The following SZT2 variants were observed in gnomAD, a reference collection of about 807,000 sequenced individuals.
SZT2 encodes the protein KICSTOR complex protein SZT2.
Under a neutral mutation model 404.2 loss-of-function variants are expected in SZT2, and 216 were observed. That is an observed-to-expected ratio of 0.53 (90% confidence interval 0.48 to 0.60). SZT2 has a LOEUF of 0.60. Ranked by LOEUF, SZT2 falls within the 20% of genes least tolerant of loss-of-function variation. The pLI is 0.00. For missense variants in SZT2, 3,857 were observed against 4,459.2 expected (o/e 0.86, Z 3.85); for synonymous variants, 1,693 against 1,749.9 (o/e 0.97, Z 0.81).
At chr1:43,446,285 GAC>G in intron 64 of SZT2, 26 bp downstream of exon 64, 1 of 1,614,246 alleles carries the variant, frequency 6.2e-7, no homozygotes, top group Non-Finnish European at 8.5e-7. Context: ...ACTGAGTGGA[GAC>G]AGCCAGACCC....
Position 43,403,774 on chromosome 1 carries a change from G to A in SZT2, c.327G>A (p.Val109=), listed in dbSNP as rs1454364437. 1 of 1,613,856 alleles carries A rather than the reference G, an allele frequency of 6.2e-7. No individual in the cohort carries two copies. The highest frequency in any genetic ancestry group is 1.3e-5 in the African/African-American group (1 of 74,876). The change falls in exon 3 of 72, where the codon GTG becomes GTA. Residue 109 remains valine (V), a splice_region_variant and synonymous_variant. Transcript: ENST00000634258. The part of the protein sequence containing the change: ...ELDLSPSTGI[V]DDSTGEILFD... ...ACCTTAGCCCATCTACTGGCATTGT[G>A]GTAAAGGATTGAAGGGAGACTGTGG...
intron 13 of SZT2, 23 bp downstream of exon 13, chr1:43,422,655 A>ACCCCCCGCCCCCCCAC (rs1186431529): frequency 3.7e-6 from 4 of 1,095,652 alleles, no homozygotes; most frequent in Admixed American, 3.0e-5. Flanking sequence ...ATGTCCCTTC[A>ACCCCCCGCCCCCCCAC]CCCCCCGCCC....
rs765553513 is a variant in SZT2 at position 43,422,141 on chromosome 1, G to A, written c.1685G>A (p.Trp562Ter). The A allele has an allele frequency of 2.5e-6, 4 of 1,597,922 alleles. No homozygotes were observed. The South Asian group carries it at 4.4e-5, about 18-fold the overall frequency. ...DSSHAQFAAYWKPVLSMDANS... is the reference protein window; with the variant it reads ...DSSHAQFAAY Reference sequence around the variant, plus strand: ...TCCCATGCCCAGTTTGCTGCCTACTGGAAGCCAGTGCTGTCCATGGATGCA... The same window carrying A: ...TCCCATGCCCAGTTTGCTGCCTACTAGAAGCCAGTGCTGTCCATGGATGCA... Residue 562 changes from tryptophan to a stop codon, truncating the protein, a stop_gained, in exon 12 of 72, where the codon TGG (tryptophan) becomes TAG (stop). Transcript: ENST00000634258. LOFTEE classifies it high-confidence loss of function.
rs765781030 is a variant in SZT2, at chr1:43,435,348, G to T, written c.6034+19G>T. 6.2e-7 allele frequency: 1 copy of T among 1,613,394 alleles called. No homozygotes were observed. On this transcript the variant is annotated intron_variant, in intron 42 of 71. Coordinates refer to ENST00000634258, the MANE Select transcript of SZT2 (RefSeq NM_001365999.1). ...AGTGATGGTGAGATCCCACCCAGGA[G>T]CCTCCCTCACAAGGCAGTGCTGCCG...
chr1:43,407,751 A>G (rs1013266023), intron 4 of SZT2, among the ~76,000 whole-genome samples: 2 of 151,906 alleles, frequency 1.3e-5, no homozygotes, highest in African/African-American at 4.8e-5. Context: ...AAACTCATCT[A>G]TAATACAATA....
At chr1:43,432,174 T>C in intron 36 of SZT2, 98 bp from the exon 37 acceptor site, 1 of 1,330,532 alleles carries the variant, frequency 7.5e-7, no homozygotes, top group Non-Finnish European at 1.0e-6. Flanking sequence ...AGCATCTGCT[T>C]TACCAGGTAG....
chr1:43,451,323 G>C lies in SZT2; in HGVS notation c.*843G>C, dbSNP rs1168667927. The C allele has an allele frequency of 1.2e-6, 2 of 1,613,392 alleles. No individual in the cohort carries two copies. The highest frequency in any genetic ancestry group is 2.2e-5 in the East Asian group (1 of 44,872). On this transcript the variant is annotated 3_prime_UTR_variant, in exon 72 of 72. Transcript: ENST00000634258. ...CTCTACTGTGTCTCCTGCAGGGAGAGGGAGGCCTCGGCACCTCAGCCCACA... is the reference window on the plus strand; with the variant it reads ...CTCTACTGTGTCTCCTGCAGGGAGACGGAGGCCTCGGCACCTCAGCCCACA...
Position 43,420,829 on chromosome 1 carries a change from C to T in SZT2, c.1342C>T (p.Pro448Ser). ...RIEYVAMAPW[P>S]LEPEGPRVTR... is the part of the protein sequence containing the mutation. ...TGAGTATGTGGCTATGGCACCCTGG[C>T]CCCTGGAGCCTGAGGGCCCTCGAGT... Residue 448 changes from proline to serine, a missense_variant, in exon 10 of 72, where the codon CCC (proline) becomes TCC (serine). Around this residue, in one of 7 missense-constraint regions of SZT2, gnomAD observed 536 missense variants for 637.4 expected, o/e 0.84. Coordinates refer to ENST00000634258, the MANE Select transcript of SZT2 (RefSeq NM_001365999.1). This position sits in a 1 kb window ranked among gnomAD's most constrained non-coding sequence, Gnocchi z 5.1. The T allele has an allele frequency of 1.3e-6, 2 of 1,598,334 alleles. No homozygotes were observed. The highest frequency in any genetic ancestry group is 8.5e-7 in the Non-Finnish European group (1 of 1,179,700).
chr1:43,444,295 C>A (rs1655426277), intron 62 of SZT2, among the ~76,000 whole-genome samples: 1 of 152,058 alleles, frequency 6.6e-6, no homozygotes, highest in African/African-American at 2.4e-5. Flanking sequence ...TGGGGTATCA[C>A]CATGTTGCCT....
intron 64 of SZT2, 21 bp downstream of exon 64, chr1:43,446,280 G>A: frequency 6.2e-7 from 1 of 1,614,240 alleles, no homozygotes; most frequent in African/African-American, 1.3e-5. Context: ...GGAGCACTGA[G>A]TGGAGACAGC....
rs1423511740 is a variant in SZT2, at chr1:43,426,476, T to C, written c.3152T>C (p.Leu1051Pro). 5 of 1,596,684 alleles carry C rather than the reference T, an allele frequency of 3.1e-6. No individual in the cohort carries two copies. The East Asian group carries it at 1.1e-4, about 36-fold the overall frequency. The change falls in exon 22 of 72, where the codon CTG (leucine) becomes CCG (proline). Residue 1051 changes from leucine to proline, a missense_variant. This residue lies in a region of SZT2 where 1,725 missense variants were observed against 1,881.0 expected (regional missense o/e 0.92). Coordinates refer to ENST00000634258, the MANE Select transcript of SZT2 (RefSeq NM_001365999.1). The surrounding 1 kb of genome is among the most constrained non-coding windows in gnomAD (Gnocchi z 4.9). ...GAGCTGAGTGACCGGGAGATCCCAC[T>C]GACCCCCGTTGACCAGGCTGCCTTC... is the stretch of plus-strand genomic sequence containing the variant. Reference protein sequence around the residue: ...GQELSDREIPLTPVDQAAFLS... With the variant: ...GQELSDREIPPTPVDQAAFLS...
At position 43,426,976 on chromosome 1, in the gene SZT2, G is replaced by A; in HGVS notation, c.3310-80G>A. The A allele has an allele frequency of 6.3e-7, 1 of 1,589,890 alleles. No individual in the cohort carries two copies. Among genetic ancestry groups the A allele is most frequent in the South Asian group, 1.1e-5 (1 of 88,642 alleles). On this transcript the variant is annotated intron_variant, in intron 23 of 71. Transcript: ENST00000634258. This position sits in a 1 kb window ranked among gnomAD's most constrained non-coding sequence, Gnocchi z 4.9. ...ATCTTTCAAGCTATACCTAAGATGAGTCAGCTCTAGGGTGGAGGAGGGGAA... is the reference window on the plus strand; with the variant it reads ...ATCTTTCAAGCTATACCTAAGATGAATCAGCTCTAGGGTGGAGGAGGGGAA...
Position 43,440,014 on chromosome 1 carries a change from G to A in SZT2, c.7176G>A (p.Leu2392=), listed in dbSNP as rs564571391. Residue 2392 remains leucine (L), a synonymous_variant, in exon 51 of 72, where the codon CTG becomes CTA. Coordinates refer to ENST00000634258, the MANE Select transcript of SZT2 (RefSeq NM_001365999.1). The part of the protein sequence containing the change: ...LADAIIELQL[L]PASLCTEDTP... ...ATGCCATCATCGAGCTTCAGCTGCT[G>A]CCAGCTTCACTATGTACAGAGGACA... is the stretch of plus-strand genomic sequence containing the variant. 3.1e-6 allele frequency: 5 copies of A among 1,614,106 alleles called. No homozygotes were observed. The African/African-American group carries it at 5.3e-5, about 17-fold the overall frequency.
Position 43,437,719 on chromosome 1 carries a change from C to A in SZT2, c.6396+19C>A, listed in dbSNP as rs756799362. ...AGCCTCGGCATGTATCACTCCCACT[C>A]TCTGATGCCCCTGTGTTCCTCTTGC... On this transcript the variant is annotated intron_variant, in intron 45 of 71. Transcript: ENST00000634258. This position sits in a 1 kb window ranked among gnomAD's most constrained non-coding sequence, Gnocchi z 5.3. 2 of 1,614,044 alleles carry A rather than the reference C, an allele frequency of 1.2e-6. No homozygotes were observed. The highest frequency in any genetic ancestry group is 1.7e-6 in the Non-Finnish European group (2 of 1,180,018).
Position 43,443,671 on chromosome 1 carries a change from C to A in SZT2, c.8700C>A (p.Pro2900=). 1 of 1,614,202 alleles carries A rather than the reference C, an allele frequency of 6.2e-7. No individual in the cohort carries two copies. Among genetic ancestry groups the A allele is most frequent in the Non-Finnish European group, 8.5e-7 (1 of 1,180,030 alleles). ...PTSCESLDVS[P]PGAREEPWLK... The stretch of plus-strand genomic sequence containing the variant: ...GCTGTGAATCCTTGGATGTGTCGCC[C>A]CCGGGAGCCCGTGAGGAGCCTTGGC... Residue 2900 remains proline (P), a synonymous_variant, in exon 62 of 72, where the codon CCC becomes CCA. Coordinates refer to ENST00000634258, the MANE Select transcript of SZT2 (RefSeq NM_001365999.1).
At position 43,426,447 on chromosome 1, in the gene SZT2, G is replaced by T; in HGVS notation, c.3123G>T (p.Gly1041=). The T allele has an allele frequency of 6.3e-7, 1 of 1,596,998 alleles. No individual in the cohort carries two copies. The change falls in exon 22 of 72, where the codon GGG becomes GGT. Residue 1041 remains glycine (G), a synonymous_variant. Transcript: ENST00000634258. This position sits in a 1 kb window ranked among gnomAD's most constrained non-coding sequence, Gnocchi z 4.9. ...TGTGCCTGCTGCACAGCTGCCTGGG[G>T]CAGGAGCTGAGTGACCGGGAGATCC... ...MVLCLLHSCL[G]QELSDREIPL... is the part of the protein sequence containing the mutation.
At chr1:43,390,080 G>T in intron 1 of SZT2, 85 bp downstream of exon 1, 1 of 1,335,406 alleles carries the variant, frequency 7.5e-7, no homozygotes. Context: ...CCTCCTCTAG[G>T]TCTGGGGGTG....
intron 7 of SZT2, among the ~76,000 whole-genome samples, chr1:43,417,147 A>G (rs1651807770): frequency 6.6e-6 from 1 of 152,230 alleles, no homozygotes; most frequent in Admixed American, 6.5e-5. Flanking sequence ...TGATGCAGAT[A>G]GATAGAAGGA....
intron 11 of SZT2, 80 bp from the exon 12 acceptor site, chr1:43,422,003 C>T (rs1652421089): frequency 1.4e-6 from 2 of 1,465,282 alleles, no homozygotes; most frequent in Non-Finnish European, 1.8e-6. Flanking sequence ...CGGAGTCCAC[C>T]CATGGTTTTG....
Sources: allele counts gnomAD v4.1 joint callset (sites outside exome capture counted in the v4.1 genomes callset), GRCh38; gene constraint gnomAD v4.1.1; regional missense constraint gnomAD v4.1.1; non-coding constraint Gnocchi (gnomAD v3.1); transcripts MANE v1.5; gene names NCBI Gene and HGNC (gene_info 2026-07-23, HGNC 2026-07-21).